The following GPC5 variants were observed in gnomAD, a reference collection of about 807,000 sequenced individuals.
GPC5 encodes glypican-5.
Under a neutral mutation model 53.9 loss-of-function variants are expected in GPC5, and 47 were observed. The ratio of observed to expected loss-of-function variants is 0.87; its 90% CI spans 0.69 to 1.11. The LOEUF is 1.11. Ranked by LOEUF, GPC5 falls within the 50% of genes most tolerant of loss-of-function variation. GPC5 has a pLI of 0.00. For synonymous variants in GPC5, 286 were observed against 263.3 expected, an observed-to-expected ratio of 1.09 and a Z score of -0.84; for missense variants, 748 against 713.1, an observed-to-expected ratio of 1.05 and a Z score of -0.56.
intron 6 of GPC5, among the ~76,000 whole-genome samples, chr13:92,096,116 C>T (rs188302245): frequency 6.6e-6 from 1 of 152,272 alleles, no homozygotes; most frequent in East Asian, 1.9e-4. Flanking sequence ...TGGGTAATGA[C>T]CGTCTTTGGA....
chr13:91,478,795 T>TTATATATATATATATATATA (rs757436599), intron 2 of GPC5, among the ~76,000 whole-genome samples: 39 of 55,340 alleles, frequency 7.0e-4, no homozygotes, highest in Middle Eastern at 9.3e-3. Flanking sequence ...CCATTTGAGT[T>TTATATATATATATATATATA]TATATATATA....
At chr13:92,119,950 A>G (rs1405503576) in intron 6 of GPC5, among the ~76,000 whole-genome samples, 1 of 152,194 alleles carries the variant, frequency 6.6e-6, no homozygotes, top group Non-Finnish European at 1.5e-5. Context: ...CTACCAGCAT[A>G]GCCCACTAGG....
At chr13:91,477,413 G>A (rs1190630047) in intron 2 of GPC5, among the ~76,000 whole-genome samples, 1 of 152,096 alleles carries the variant, frequency 6.6e-6, no homozygotes, top group Non-Finnish European at 1.5e-5. Context: ...CATAGAGAAG[G>A]GGATCTAAAA....
At chr13:92,845,310 G>A (rs563605372) in intron 7 of GPC5, among the ~76,000 whole-genome samples, 4 of 152,124 alleles carry the variant, frequency 2.6e-5, no homozygotes, top group Non-Finnish European at 2.9e-5. Flanking sequence ...TAACCTCCAC[G>A]TTCTCAGCCT....
Position 91,945,715 on chromosome 13 carries a change from T to C in GPC5, c.1401+37658T>C, listed in dbSNP as rs189691763. 9.2e-5 allele frequency among the ~76,000 whole-genome samples: 14 copies of C among 152,206 alleles called. 1 individual carries two copies. The East Asian group carries it at 2.7e-3, about 30-fold the overall frequency. Reference sequence around the variant, plus strand: ...GCTACTGTGACAGACTGTTGCCTCATTTGGGGGACATTATGGAGCCACTGC... The same window carrying C: ...GCTACTGTGACAGACTGTTGCCTCACTTGGGGGACATTATGGAGCCACTGC... On this transcript the variant is annotated intron_variant, in intron 6 of 7. Transcript: ENST00000377067.
At chr13:92,593,574 C>T (rs148271473) in intron 7 of GPC5, among the ~76,000 whole-genome samples, 7 of 151,108 alleles carry the variant, frequency 4.6e-5, no homozygotes, top group African/African-American at 1.7e-4. Context: ...TAGCATTCAG[C>T]ATTAGAGGAC....
chr13:91,474,135 T>G (rs1882791478), intron 2 of GPC5, among the ~76,000 whole-genome samples: 1 of 152,166 alleles, frequency 6.6e-6, no homozygotes, highest in Admixed American at 6.6e-5. Context: ...TAAATTAGAT[T>G]ATTCAACAGA....
intron 7 of GPC5, among the ~76,000 whole-genome samples, chr13:92,734,643 A>T (rs1164830510): frequency 6.6e-6 from 1 of 151,946 alleles, no homozygotes; most frequent in Non-Finnish European, 1.5e-5. Flanking sequence ...CTCTTAGTCC[A>T]TATAAACACT....
At chr13:92,557,193 T>A (rs1293798061) in intron 7 of GPC5, among the ~76,000 whole-genome samples, 1 of 151,870 alleles carries the variant, frequency 6.6e-6, no homozygotes, top group Non-Finnish European at 1.5e-5. Flanking sequence ...GTCATGTAAG[T>A]CTAAATAGAT....
At chr13:92,131,099 A>G (rs979825194) in intron 6 of GPC5, among the ~76,000 whole-genome samples, 2 of 151,978 alleles carry the variant, frequency 1.3e-5, no homozygotes, top group African/African-American at 4.8e-5. Flanking sequence ...GAAAATCATT[A>G]ATTGCTCAGA....
At chr13:91,614,887 A>T (rs1350142977) in intron 2 of GPC5, among the ~76,000 whole-genome samples, 1 of 152,182 alleles carries the variant, frequency 6.6e-6, no homozygotes, top group African/African-American at 2.4e-5. Context: ...GTCCAAGGCA[A>T]ACATGTTTAA....
At chr13:92,149,566 G>C (rs777530846) in intron 7 of GPC5, among the ~76,000 whole-genome samples, 1 of 151,960 alleles carries the variant, frequency 6.6e-6, no homozygotes, top group Non-Finnish European at 1.5e-5. Context: ...CCATGTCAGC[G>C]TACTAAGAAT....
intron 7 of GPC5, among the ~76,000 whole-genome samples, chr13:92,202,329 C>T (rs901468682): frequency 6.6e-6 from 1 of 152,080 alleles, no homozygotes; most frequent in African/African-American, 2.4e-5. Flanking sequence ...TTTTTCTTAA[C>T]CTTCAAAGTG....
intron 6 of GPC5, among the ~76,000 whole-genome samples, chr13:91,909,390 A>G (rs769454587): frequency 6.6e-6 from 1 of 152,212 alleles, no homozygotes; most frequent in Non-Finnish European, 1.5e-5. Flanking sequence ...AGGAGTGAGT[A>G]CAATCTCACT....
At position 92,104,308 on chromosome 13, in the gene GPC5, C is replaced by T. The variant is rs150624007; in HGVS notation, c.1402-40522C>T. 1.6e-3 allele frequency among the ~76,000 whole-genome samples: 243 copies of T among 152,242 alleles called. 2 individuals carry two copies. Among genetic ancestry groups the T allele is most frequent in the African/African-American group, 5.5e-3 (229 of 41,558 alleles). On this transcript the variant is annotated intron_variant, in intron 6 of 7. Transcript: ENST00000377067. ...ATAGATCAAATTGTCACAAATCTTA[C>T]TACAGTCAGCATTCTTTCTTGAAGA...
chr13:91,551,208 T>C (rs2030616801), intron 2 of GPC5, among the ~76,000 whole-genome samples: 1 of 152,046 alleles, frequency 6.6e-6, no homozygotes, highest in Admixed American at 6.6e-5. Flanking sequence ...AATAAGTAGC[T>C]ATAAATTCAA....
intron 7 of GPC5, among the ~76,000 whole-genome samples, chr13:92,840,888 G>A (rs981818297): frequency 1.3e-5 from 2 of 151,590 alleles, no homozygotes; most frequent in Non-Finnish European, 2.9e-5. Flanking sequence ...TGTTTCCATC[G>A]TTTCTTTTCA....
At chr13:91,659,999 C>A (rs903765923) in intron 2 of GPC5, among the ~76,000 whole-genome samples, 4 of 152,058 alleles carry the variant, frequency 2.6e-5, no homozygotes, top group African/African-American at 9.7e-5. Context: ...AATAGAGAAG[C>A]TTAATAGAGG....
intron 7 of GPC5, among the ~76,000 whole-genome samples, chr13:92,741,307 C>T (rs774769159): frequency 5.9e-5 from 9 of 151,576 alleles, no homozygotes; most frequent in Non-Finnish European, 1.2e-4. Flanking sequence ...CTTTATAAGT[C>T]AAGGAAGAGA....
Sources: allele counts gnomAD v4.1 joint callset (sites outside exome capture counted in the v4.1 genomes callset), GRCh38; gene constraint gnomAD v4.1.1; transcripts MANE v1.5; gene names NCBI Gene and HGNC (gene_info 2026-07-23, HGNC 2026-07-21).